ARHGAP39: variants seen among roughly 807,000 people sequenced by gnomAD.
The protein encoded by ARHGAP39 is rho GTPase-activating protein 39.
Under a neutral mutation model 106.9 loss-of-function variants are expected in ARHGAP39, and 44 were observed. The ratio of observed to expected loss-of-function variants is 0.41; its 90% CI spans 0.32 to 0.53. The LOEUF is 0.53. Among genes scored for constraint, ARHGAP39 ranks in the 20% least tolerant of loss-of-function variants. The pLI, the probability that ARHGAP39 is intolerant of heterozygous loss-of-function variation, is 0.21. For synonymous variants in ARHGAP39, 768 were observed against 693.2 expected (o/e 1.11, Z -1.69); for missense variants, 1,496 against 1,577.3 (o/e 0.95, Z 0.87).
chr8:144,580,851 G>A lies in ARHGAP39; in HGVS notation c.507C>T (p.Ser169=), dbSNP rs1420328907. Residue 169 remains serine, a synonymous_variant, in exon 3 of 12, where the codon AGC becomes AGT. Transcript: ENST00000377307. The part of the protein sequence containing the change: ...PAAFGTVKED[S]GSSSPPGVFL... ...GCAGCTGCCCCCGCCCTCACCTGCC[G>A]CTGTCCTCCTTCACTGTCCCAAACG... 7 of 1,457,890 alleles carry A rather than the reference G, an allele frequency of 4.8e-6. No individual in the cohort carries two copies. The highest frequency in any genetic ancestry group is 6.4e-6 in the Non-Finnish European group (7 of 1,097,160). The allele number at this position is 1,457,890 out of a possible 1,614,324, so 90.3% of individuals were successfully genotyped here. A position where few individuals can be genotyped will look rare whatever the true frequency, so the allele number is the denominator to read the frequency against.
chr8:144,676,205 A>G (rs1055292554), intron 1 of ARHGAP39, among the ~76,000 whole-genome samples: 3 of 151,266 alleles, frequency 2.0e-5, no homozygotes, highest in Non-Finnish European at 3.0e-5. Context: ...GGCTCCACCC[A>G]CCTCCCACCG....
chr8:144,662,492 A>C (rs1166497565), intron 1 of ARHGAP39, among the ~76,000 whole-genome samples: 14 of 77,462 alleles, frequency 1.8e-4, no homozygotes, highest in African/African-American at 2.1e-4. Context: ...CCCATTATCC[A>C]CCTTGGACTG....
intron 1 of ARHGAP39, among the ~76,000 whole-genome samples, chr8:144,619,502 C>G (rs11992503): frequency 0.11 from 16,653 of 151,012 alleles, 2,215 homozygotes; most frequent in African/African-American, 0.32. Context: ...GTGTGAGCCT[C>G]TGTGTCCCTG....
At chr8:144,597,787 C>T (rs185392840) in intron 2 of ARHGAP39, among the ~76,000 whole-genome samples, 5 of 152,266 alleles carry the variant, frequency 3.3e-5, no homozygotes, top group South Asian at 2.1e-4. Context: ...GGACAGAGAA[C>T]GCTGGAGCTC....
At chr8:144,629,222 C>T (rs1297970761) in intron 1 of ARHGAP39, among the ~76,000 whole-genome samples, 3 of 152,370 alleles carry the variant, frequency 2.0e-5, no homozygotes, top group African/African-American at 4.8e-5. Flanking sequence ...TCCCTTTTCC[C>T]AGTCACCACT....
At chr8:144,545,892 G>T in intron 5 of ARHGAP39, 82 bp from the exon 6 acceptor site, 1 of 1,300,810 alleles carries the variant, frequency 7.7e-7, no homozygotes, top group Non-Finnish European at 1.0e-6. Flanking sequence ...GTCCCCAGAA[G>T]TGTGAGCTGG....
chr8:144,604,837 C>T lies in ARHGAP39; in HGVS notation c.80+698G>A, dbSNP rs1328945152. The stretch of plus-strand genomic sequence containing the variant: ...GGGAGCTCACGCTCTCACACCGCCA[C>T]CCCCAAAAGCATTCAGAGGCGACGG... On this transcript the variant is annotated intron_variant, in intron 2 of 11. Coordinates refer to ENST00000377307, the MANE Select transcript of ARHGAP39 (RefSeq NM_025251.3). The surrounding 1 kb of genome is among the most constrained non-coding windows in gnomAD (Gnocchi z 4.1). Among the ~76,000 whole-genome samples the T allele has an allele frequency of 6.6e-6, 1 of 152,208 alleles. No individual in the cohort carries two copies. Among genetic ancestry groups the T allele is most frequent in the Non-Finnish European group, 1.5e-5 (1 of 68,044 alleles).
At chr8:144,698,271 C>T in the ARHGAP39 span, among the ~76,000 whole-genome samples, 1 of 152,198 alleles carries the variant, frequency 6.6e-6, no homozygotes, top group Non-Finnish European at 1.5e-5. Flanking sequence ...AGCTCCCCTT[C>T]ATCTTCCACC....
Position 144,591,153 on chromosome 8 carries a change from G to A in ARHGAP39, c.81-9876C>T, listed in dbSNP as rs1229284626. On this transcript the variant is annotated intron_variant, in intron 2 of 11. Transcript: ENST00000377307. This position sits in a 1 kb window ranked among gnomAD's most constrained non-coding sequence, Gnocchi z 5.3. ...CGCAGGCCTGGGGTGCAAGGCCAGA[G>A]GCTCACGGTCCCCCAGCAGGTGCCT... Among the ~76,000 whole-genome samples, 2 of 152,196 alleles carry A rather than the reference G, an allele frequency of 1.3e-5. No individual in the cohort carries two copies. Among genetic ancestry groups the A allele is most frequent in the African/African-American group, 2.4e-5 (1 of 41,452 alleles).
chr8:144,681,863 C>G (rs1448155200), intron 1 of ARHGAP39, among the ~76,000 whole-genome samples: 1 of 151,816 alleles, frequency 6.6e-6, no homozygotes, highest in Non-Finnish European at 1.5e-5. Context: ...TGATGAGATG[C>G]GATTTTCTAA....
At chr8:144,661,661 T>C (rs920368924) in intron 1 of ARHGAP39, among the ~76,000 whole-genome samples, 2 of 152,104 alleles carry the variant, frequency 1.3e-5, no homozygotes, top group Non-Finnish European at 2.9e-5. Context: ...ACTGAGACTA[T>C]AGGTGGGAGC....
intron 2 of ARHGAP39, among the ~76,000 whole-genome samples, chr8:144,588,523 G>A (rs184345002): frequency 1.5e-3 from 232 of 152,380 alleles, no homozygotes; most frequent in African/African-American, 5.3e-3. Flanking sequence ...AGCAGGGACA[G>A]AACTGTGGGG....
At chr8:144,568,042 C>G (rs1290437194) in intron 3 of ARHGAP39, among the ~76,000 whole-genome samples, 2 of 152,054 alleles carry the variant, frequency 1.3e-5, no homozygotes, top group Non-Finnish European at 2.9e-5. Context: ...ACCCACTGAC[C>G]CTGTGGGGCT....
chr8:144,653,326 T>C (rs927876063), intron 1 of ARHGAP39, among the ~76,000 whole-genome samples: 3 of 151,958 alleles, frequency 2.0e-5, no homozygotes, highest in Non-Finnish European at 4.4e-5. Context: ...AAGAAAATTA[T>C]TGAAATATGA....
In ARHGAP39 at chr8:144,530,129, C is replaced by T. The variant is rs1816615205; in HGVS notation, c.*293G>A. ...GAGGCAGCGTCGCTCGGCTCCAGGA[C>T]ACAGAAGGCACTTTCTCGGAGCTGA... On this transcript the variant is annotated 3_prime_UTR_variant, in exon 12 of 12. Coordinates refer to ENST00000377307, the MANE Select transcript of ARHGAP39 (RefSeq NM_025251.3). The T allele has an allele frequency of 9.1e-6, 4 of 438,578 alleles. No homozygotes were observed. The East Asian group carries it at 1.7e-4, about 19-fold the overall frequency. 27.2% of individuals were successfully genotyped at this position (438,578 alleles called of 1,614,324 possible). A position where few individuals can be genotyped will look rare whatever the true frequency, so the allele number is the denominator to read the frequency against.
chr8:144,560,251 T>G (rs140934165), intron 3 of ARHGAP39, among the ~76,000 whole-genome samples: 4,063 of 152,252 alleles, frequency 0.027, 179 homozygotes, highest in African/African-American at 0.093. Context: ...CTGGCCAACA[T>G]GGTGAAACCC....
the ARHGAP39 span, among the ~76,000 whole-genome samples, chr8:144,695,001 T>A: frequency 6.6e-6 from 1 of 151,644 alleles, no homozygotes; most frequent in South Asian, 2.1e-4. Context: ...CATTGATTAG[T>A]GAGGTTGAGC....
In ARHGAP39 at chr8:144,679,031, C is replaced by A. The variant is rs936243500; in HGVS notation, c.-82+6655G>T. ...TGGCAGCTGAGAGGGGGACCCAGCACGCCAAAATTCTAGGTGGTGACCAAG... is the reference window on the plus strand; with the variant it reads ...TGGCAGCTGAGAGGGGGACCCAGCAAGCCAAAATTCTAGGTGGTGACCAAG... On this transcript the variant is annotated intron_variant, in intron 1 of 11. Coordinates refer to ENST00000377307, the MANE Select transcript of ARHGAP39 (RefSeq NM_025251.3). The surrounding 1 kb of genome is among the most constrained non-coding windows in gnomAD (Gnocchi z 4.7). 6.6e-6 allele frequency among the ~76,000 whole-genome samples: 1 copy of A among 152,070 alleles called. No homozygotes were observed. The highest frequency in any genetic ancestry group is 6.5e-5 in the Admixed American group (1 of 15,282).
intron 1 of ARHGAP39, among the ~76,000 whole-genome samples, chr8:144,633,143 T>G (rs1016203207): frequency 3.1e-4 from 46 of 148,724 alleles, no homozygotes; most frequent in South Asian, 8.5e-4. Flanking sequence ...CCCTGTTTTT[T>G]TTTGTTTGTT....
Sources: gnomAD v4.1 joint callset for allele counts (sites outside exome capture counted in the v4.1 genomes callset) on GRCh38, gnomAD v4.1.1 for gene constraint, Gnocchi (gnomAD v3.1) non-coding constraint, MANE v1.5 for transcripts, NCBI Gene and HGNC (gene_info 2026-07-23, HGNC 2026-07-21) for gene names.